PLPP4: variants seen among roughly 807,000 people sequenced by gnomAD.
The protein encoded by PLPP4 is phospholipid phosphatase 4, also known as diacylglycerol pyrophosphate like 2.
PLPP4 carries 20 observed loss-of-function variants against 32.2 expected under a neutral mutation model. The observed-to-expected ratio is 0.62, with a 90% CI of 0.44 to 0.90. The LOEUF is 0.90. PLPP4 is among the 40% of genes least tolerant of loss of function. PLPP4 has a pLI of 0.00. For missense variants in PLPP4, 257 were observed against 353.1 expected (o/e 0.73, Z 2.18); for synonymous variants, 127 against 133.0 (o/e 0.95, Z 0.31).
intron 1 of PLPP4, among the ~76,000 whole-genome samples, chr10:120,502,726 C>T (rs761287672): frequency 8.5e-5 from 13 of 152,174 alleles, no homozygotes; most frequent in Admixed American, 3.9e-4. Flanking sequence ...GAGACTGGGA[C>T]GGCTTTAGGG....
intron 1 of PLPP4, chr10:120,503,594 C>A: frequency 6.2e-7 from 1 of 1,610,076 alleles, no homozygotes; most frequent in South Asian, 1.1e-5. Flanking sequence ...TGGAATTGGT[C>A]CTTCTGGCAG....
intron 5 of PLPP4, among the ~76,000 whole-genome samples, chr10:120,574,129 T>TACACACACACACAC (rs751622346): frequency 8.8e-5 from 5 of 56,992 alleles, no homozygotes; most frequent in Admixed American, 2.3e-4. Context: ...ATCTGGGGAG[T>TACACACACACACAC]ACACACACAC....
intron 5 of PLPP4, among the ~76,000 whole-genome samples, chr10:120,538,329 A>G (rs1847159857): frequency 6.6e-6 from 1 of 151,578 alleles, no homozygotes; most frequent in Non-Finnish European, 1.5e-5. Flanking sequence ...TAACTCTGCC[A>G]AAGGAAAATG....
intron 1 of PLPP4, among the ~76,000 whole-genome samples, chr10:120,460,334 C>T (rs191613452): frequency 1.5e-4 from 23 of 152,218 alleles, no homozygotes; most frequent in Non-Finnish European, 1.3e-4. Flanking sequence ...CCCAAGACTC[C>T]AGGAGAGATT....
chr10:120,570,069 G>C (rs1275778548), intron 5 of PLPP4, among the ~76,000 whole-genome samples: 1 of 152,166 alleles, frequency 6.6e-6, no homozygotes, highest in Non-Finnish European at 1.5e-5. Flanking sequence ...CTACATCATT[G>C]TGTTGTTCTG....
At chr10:120,570,511 A>G (rs1848885281) in intron 5 of PLPP4, among the ~76,000 whole-genome samples, 1 of 152,156 alleles carries the variant, frequency 6.6e-6, no homozygotes. Flanking sequence ...ATACAACATA[A>G]AAAGCAGGAC....
chr10:120,563,520 G>A (rs538629708), intron 5 of PLPP4, among the ~76,000 whole-genome samples: 3 of 149,590 alleles, frequency 2.0e-5, no homozygotes, highest in African/African-American at 7.7e-5. Context: ...TGAATTTTAG[G>A]CCGGGCGCGG....
intron 1 of PLPP4, among the ~76,000 whole-genome samples, chr10:120,466,605 A>T (rs1211807786): frequency 1.3e-5 from 2 of 152,172 alleles, no homozygotes; most frequent in African/African-American, 2.4e-5. Flanking sequence ...ATAATTATGA[A>T]CAGTGCACAT....
At chr10:120,585,796 T>C (rs896993478) in intron 6 of PLPP4, among the ~76,000 whole-genome samples, 16 of 152,142 alleles carry the variant, frequency 1.1e-4, no homozygotes, top group African/African-American at 3.6e-4. Flanking sequence ...CCAACAGTTC[T>C]TCTCTTGGGA....
At chr10:120,499,071 T>C (rs1287362600) in intron 1 of PLPP4, among the ~76,000 whole-genome samples, 1 of 152,220 alleles carries the variant, frequency 6.6e-6, no homozygotes, top group Non-Finnish European at 1.5e-5. Flanking sequence ...AGCCGTTCTG[T>C]TTTTATTGGA....
chr10:120,528,675 C>A (rs1032076710), intron 5 of PLPP4, among the ~76,000 whole-genome samples: 1 of 152,094 alleles, frequency 6.6e-6, no homozygotes, highest in East Asian at 1.9e-4. Context: ...GAAGACTCCC[C>A]CTAGATCCTG....
At chr10:120,500,877 C>G (rs1845215476) in intron 1 of PLPP4, among the ~76,000 whole-genome samples, 1 of 152,130 alleles carries the variant, frequency 6.6e-6, no homozygotes, top group African/African-American at 2.4e-5. Flanking sequence ...AAGAGGTTCT[C>G]TCCCCCACAC....
intron 1 of PLPP4, among the ~76,000 whole-genome samples, chr10:120,472,273 G>A (rs961507574): frequency 2.6e-5 from 4 of 151,994 alleles, no homozygotes; most frequent in Admixed American, 1.3e-4. Flanking sequence ...CAGATTGCTG[G>A]AAATAAATTC....
chr10:120,566,550 T>TG (rs968779138), intron 5 of PLPP4, among the ~76,000 whole-genome samples: 1 of 151,416 alleles, frequency 6.6e-6, no homozygotes, highest in African/African-American at 2.4e-5. Context: ...ATTCTTTTTT[T>TG]TTTTTTTTGT....
At chr10:120,476,832 G>C (rs1843942630) in intron 1 of PLPP4, among the ~76,000 whole-genome samples, 1 of 152,124 alleles carries the variant, frequency 6.6e-6, no homozygotes, top group Non-Finnish European at 1.5e-5. Context: ...TGGCACGCAG[G>C]GAGAACACCA....
At chr10:120,538,249 C>G (rs561795538) in intron 5 of PLPP4, among the ~76,000 whole-genome samples, 1 of 151,002 alleles carries the variant, frequency 6.6e-6, no homozygotes, top group African/African-American at 2.4e-5. Flanking sequence ...GCTGGGCTGC[C>G]TCTCTTGGCA....
chr10:120,509,775 G>A (rs759092449), intron 2 of PLPP4, among the ~76,000 whole-genome samples: 40 of 152,338 alleles, frequency 2.6e-4, no homozygotes, highest in Non-Finnish European at 4.4e-4. Flanking sequence ...TCCATAACAC[G>A]TAGTAGGTGC....
At chr10:120,588,326 C>T (rs770077084) in intron 6 of PLPP4, among the ~76,000 whole-genome samples, 3 of 152,160 alleles carry the variant, frequency 2.0e-5, no homozygotes, top group Non-Finnish European at 4.4e-5. Context: ...GCCCTTGGGG[C>T]GGAGGGCTGG....
intron 6 of PLPP4, chr10:120,581,072 AG>A: frequency 7.8e-7 from 1 of 1,278,252 alleles, no homozygotes; most frequent in Non-Finnish European, 1.0e-6. Context: ...CTCCGGTCAA[AG>A]TCCACTGCAT....
Sources: allele counts gnomAD v4.1 joint callset (sites outside exome capture counted in the v4.1 genomes callset), GRCh38; gene constraint gnomAD v4.1.1; transcripts MANE v1.5; gene names NCBI Gene and HGNC (gene_info 2026-07-23, HGNC 2026-07-21).